ZNF737: variants seen among roughly 807,000 people sequenced by gnomAD.
The protein encoded by ZNF737 is zinc finger protein 102 (Y3).
Under a neutral mutation model 11.7 loss-of-function variants are expected in ZNF737, and 13 were observed. The ratio of observed to expected loss-of-function variants is 1.11; its 90% confidence interval spans 0.73 to 1.77. The LOEUF is 1.77. ZNF737 is among the 40% of genes most tolerant of loss of function. ZNF737 has a pLI of 0.00. For synonymous variants in ZNF737, 217 were observed against 216.2 expected (o/e 1.00, Z -0.03); for missense variants, 636 against 638.0 (o/e 1.00, Z 0.03).
intron 1 of ZNF737, among the ~76,000 whole-genome samples, chr19:20,560,914 G>T (rs781935650): frequency 5.3e-5 from 8 of 152,210 alleles, no homozygotes; most frequent in Admixed American, 1.3e-4. Context: ...CTGCGGCCTA[G>T]TTGAGGGTGG....
chr19:20,565,042 C>G (rs1969244521), intron 1 of ZNF737, among the ~76,000 whole-genome samples: 1 of 150,388 alleles, frequency 6.6e-6, no homozygotes, highest in Non-Finnish European at 1.5e-5. Flanking sequence ...TCAAGCGATT[C>G]TCTCACTTCT....
chr19:20,550,416 T>C (rs902144950), intron 3 of ZNF737, among the ~76,000 whole-genome samples: 2 of 152,224 alleles, frequency 1.3e-5, no homozygotes, highest in Non-Finnish European at 2.9e-5. Flanking sequence ...TTCAGGCATA[T>C]CATGCAAATT....
downstream of ZNF737, among the ~76,000 whole-genome samples, chr19:20,532,401 A>G (rs1967851984): frequency 6.7e-6 from 1 of 149,934 alleles, no homozygotes; most frequent in South Asian, 2.2e-4. Context: ...ATATGCAGAA[A>G]TAAACATTTC....
At chr19:20,548,455 A>G (rs1555757505) in intron 3 of ZNF737, among the ~76,000 whole-genome samples, 1 of 152,208 alleles carries the variant, frequency 6.6e-6, no homozygotes, top group East Asian at 1.9e-4. Context: ...AGTAGTCAAA[A>G]TCATAAAATC....
At chr19:20,530,629 G>A in the ZNF737 span, among the ~76,000 whole-genome samples, 15 of 148,626 alleles carry the variant, frequency 1.0e-4, 1 homozygote, top group East Asian at 2.5e-3. Context: ...CATCCCAGAC[G>A]GGGCGGCGGG....
At chr19:20,536,482 A>G (rs1967970338), downstream of ZNF737, among the ~76,000 whole-genome samples, 1 of 152,152 alleles carries the variant, frequency 6.6e-6, no homozygotes, top group Non-Finnish European at 1.5e-5. Context: ...ACAGGCCAGC[A>G]GGTCCTAGGA....
chr19:20,551,789 T>C (rs1364432037), intron 3 of ZNF737, among the ~76,000 whole-genome samples: 1 of 151,596 alleles, frequency 6.6e-6, no homozygotes, highest in Non-Finnish European at 1.5e-5. Flanking sequence ...AATTTTAAAA[T>C]ATTTTATGTC....
At position 20,542,248 on chromosome 19, in the gene ZNF737, G is replaced by A. The variant is rs1333261182; in HGVS notation, c.*2344C>T. 1 of 943,584 alleles carries A rather than the reference G, an allele frequency of 1.1e-6. No homozygotes were observed. Among genetic ancestry groups the A allele is most frequent in the Non-Finnish European group, 1.3e-6 (1 of 794,442 alleles). 58.5% of individuals were successfully genotyped at this position (943,584 alleles called of 1,614,324 possible). A position where few individuals can be genotyped will look rare whatever the true frequency, so the allele number is the denominator to read the frequency against. ...ATCTAACAAACTTTTTTTTTTTTGAGACAGAGTTTTGCTCTTGTTGCCCAG... is the reference window on the plus strand; with the variant it reads ...ATCTAACAAACTTTTTTTTTTTTGAAACAGAGTTTTGCTCTTGTTGCCCAG... On this transcript the variant is annotated 3_prime_UTR_variant, in exon 4 of 4. Coordinates refer to ENST00000427401, the MANE Select transcript of ZNF737 (RefSeq NM_001159293.2).
rs1555759440 is a variant in ZNF737, at chr19:20,553,710, A to G, written c.129T>C (p.Leu43=). The change falls in exon 2 of 4, where the codon CTT becomes CTC. Residue 43 remains leucine, a splice_region_variant and synonymous_variant. Transcript: ENST00000427401. ...ATTATGTATTAAAGTTTTTCTCACC[A>G]AGGAAGACCAGGTTTCTGTAGTTCT... ...MLENYRNLVF[L]GIVVSKPDLI... The G allele has an allele frequency of 3.1e-6, 5 of 1,613,474 alleles. No individual in the cohort carries two copies. Among genetic ancestry groups the G allele is most frequent in the Non-Finnish European group, 2.5e-6 (3 of 1,179,738 alleles).
Position 20,541,787 on chromosome 19 carries a change from C to T in ZNF737, c.*2805G>A, listed in dbSNP as rs1479416379. Among the ~76,000 whole-genome samples, 1 of 152,090 alleles carries T rather than the reference C, an allele frequency of 6.6e-6. No homozygotes were observed. Among genetic ancestry groups the T allele is most frequent in the Non-Finnish European group, 1.5e-5 (1 of 68,028 alleles). On this transcript the variant is annotated 3_prime_UTR_variant, in exon 4 of 4. Coordinates refer to ENST00000427401, the MANE Select transcript of ZNF737 (RefSeq NM_001159293.2). ...ATAGAAATAATTCTGTAGTCAATAA[C>T]AATTTAATTGTACATTTTAAAATGA...
In ZNF737 at chr19:20,538,396, T is replaced by C. The variant is rs112488458; in HGVS notation, c.*6196A>G. 0.11 allele frequency among the ~76,000 whole-genome samples: 16,425 copies of C among 152,174 alleles called. 1,006 individuals carry two copies. The highest frequency in any genetic ancestry group is 0.13 in the Non-Finnish European group (8,595 of 68,004). On this transcript the variant is annotated 3_prime_UTR_variant, in exon 4 of 4. Coordinates refer to ENST00000427401, the MANE Select transcript of ZNF737 (RefSeq NM_001159293.2). ...CTTCCTTTGTTCTCCTCTGCCTTTGTCTCTTTTAAAAAGTTCTAAGTTGCT... is the reference window on the plus strand; with the variant it reads ...CTTCCTTTGTTCTCCTCTGCCTTTGCCTCTTTTAAAAAGTTCTAAGTTGCT...
At chr19:20,531,306 C>A (rs1184768203), downstream of ZNF737, among the ~76,000 whole-genome samples, 1 of 147,620 alleles carries the variant, frequency 6.8e-6, no homozygotes, top group South Asian at 2.2e-4. Context: ...CTTGTTCGAA[C>A]GCCTCCAACA....
Position 20,542,391 on chromosome 19 carries a change from G to A in ZNF737, c.*2201C>T, listed in dbSNP as rs1156941800. Reference sequence around the variant, plus strand: ...TTACAGGCATGCACCACCATGCCTGGCTAATTTTTTTTGTATTTTTAGTAG... The same window carrying A: ...TTACAGGCATGCACCACCATGCCTGACTAATTTTTTTTGTATTTTTAGTAG... On this transcript the variant is annotated 3_prime_UTR_variant, in exon 4 of 4. Coordinates refer to ENST00000427401, the MANE Select transcript of ZNF737 (RefSeq NM_001159293.2). 5.7e-6 allele frequency: 2 copies of A among 348,656 alleles called. No individual in the cohort carries two copies. The highest frequency in any genetic ancestry group is 8.1e-6 in the Non-Finnish European group (2 of 248,244). The allele number at this position is 348,656 out of a possible 1,614,324, so 21.6% of individuals were successfully genotyped here.
chr19:20,553,598 A>C, intron 2 of ZNF737, 111 bp downstream of exon 2: 1 of 1,141,978 alleles, frequency 8.8e-7, no homozygotes. Context: ...TTCTTGAAAA[A>C]GTGGATCTGA....
intron 3 of ZNF737, among the ~76,000 whole-genome samples, chr19:20,548,980 A>AAAAAAAAAAAAAAAAAAC (rs1491170549): frequency 7.5e-5 from 5 of 66,498 alleles, no homozygotes; most frequent in African/African-American, 1.1e-4. Context: ...AAAAAAAAAA[A>AAAAAAAAAAAAAAAAAAC]CAATTATGTA....
At chr19:20,561,150 T>A (rs1476970895) in intron 1 of ZNF737, among the ~76,000 whole-genome samples, 1 of 152,190 alleles carries the variant, frequency 6.6e-6, no homozygotes, top group Admixed American at 6.5e-5. Context: ...CTGGTGCAGC[T>A]GTACTCTGAT....
rs1206676046 is a variant in ZNF737 at position 20,553,625 on chromosome 19, A to G, written c.130+84T>C. On this transcript the variant is annotated intron_variant, in intron 2 of 3. Coordinates refer to ENST00000427401, the MANE Select transcript of ZNF737 (RefSeq NM_001159293.2). ...TGGATCTGAAACTCTTTTATAAAAG[A>G]ATAAATTACTAAAAAAATTCTACAA... 5 of 1,365,598 alleles carry G rather than the reference A, an allele frequency of 3.7e-6. No homozygotes were observed. In the African/African-American group the frequency reaches 6.0e-5, roughly 16 times the overall value. 84.6% of individuals were successfully genotyped at this position (1,365,598 alleles called of 1,614,324 possible). A position where few individuals can be genotyped will look rare whatever the true frequency, so the allele number is the denominator to read the frequency against.
At chr19:20,555,500 C>T (rs1206323227) in intron 1 of ZNF737, among the ~76,000 whole-genome samples, 1 of 152,152 alleles carries the variant, frequency 6.6e-6, no homozygotes, top group Non-Finnish European at 1.5e-5. Flanking sequence ...ATTTCTTAAT[C>T]CTGTTCGGCA....
At chr19:20,560,428 A>G (rs1969048854) in intron 1 of ZNF737, among the ~76,000 whole-genome samples, 1 of 152,122 alleles carries the variant, frequency 6.6e-6, no homozygotes, top group Admixed American at 6.6e-5. Flanking sequence ...GGCCATTAAA[A>G]AAAAAAATCA....
Sources: allele counts gnomAD v4.1 joint callset (sites outside exome capture counted in the v4.1 genomes callset), GRCh38; gene constraint gnomAD v4.1.1; transcripts MANE v1.5; gene names NCBI Gene and HGNC (gene_info 2026-07-23, HGNC 2026-07-21).